CNKSR2: variants seen among roughly 807,000 people sequenced by gnomAD.
CNKSR2 encodes the protein connector enhancer of kinase suppressor of Ras 2, also known as CNK homolog protein 2.
Under a neutral mutation model 84.4 loss-of-function variants are expected in CNKSR2, and 14 were observed. The observed-to-expected ratio is 0.17, with a 90% confidence interval of 0.11 to 0.26. The LOEUF (loss-of-function observed/expected upper bound fraction) is 0.26, where lower values mean the gene tolerates loss of function less well. Ranked by LOEUF, CNKSR2 falls within the 10% of genes least tolerant of loss-of-function variation. CNKSR2 has a pLI of 1.00. For missense variants in CNKSR2, 485 were observed against 771.2 expected (o/e 0.63, Z 4.40); for synonymous variants, 275 against 277.9 (o/e 0.99, Z 0.10).
At chrX:21,429,962 T>C (rs966379580) in intron 2 of CNKSR2, among the ~76,000 whole-genome samples, 2 of 112,065 alleles carry the variant, frequency 1.8e-5, no homozygotes, top group African/African-American at 6.5e-5. Flanking sequence ...ATTAATCTCT[T>C]TTGTTAAAAT....
intron 20 of CNKSR2, among the ~76,000 whole-genome samples, chrX:21,611,372 G>A (rs758594853): frequency 8.9e-6 from 1 of 112,187 alleles, no homozygotes; most frequent in South Asian, 3.7e-4. Context: ...CTGAAATAGA[G>A]AATTCTGTTC....
chrX:21,601,422 G>A, intron 18 of CNKSR2, 73 bp downstream of exon 18: 1 of 629,063 alleles, frequency 1.6e-6, no homozygotes, highest in Non-Finnish European at 2.4e-6. Flanking sequence ...GAAATTCATT[G>A]CTATCACTTG....
intron 4 of CNKSR2, among the ~76,000 whole-genome samples, chrX:21,464,753 T>C (rs1244584701): frequency 2.7e-5 from 3 of 112,128 alleles, no homozygotes; most frequent in African/African-American, 9.7e-5. Context: ...ATAGGCTGCC[T>C]TGACTTCAAC....
chrX:21,624,620 G>A (rs747493078), intron 20 of CNKSR2, among the ~76,000 whole-genome samples: 3 of 110,345 alleles, frequency 2.7e-5, no homozygotes, highest in African/African-American at 9.9e-5. Context: ...AGCAATTTCC[G>A]GCTAATTTCT....
chrX:21,610,539 C>T (rs1569273420), intron 20 of CNKSR2, among the ~76,000 whole-genome samples: 1 of 112,359 alleles, frequency 8.9e-6, no homozygotes, highest in Non-Finnish European at 1.9e-5. Flanking sequence ...CTGTTCACAT[C>T]TCTTTATTCA....
intron 11 of CNKSR2, among the ~76,000 whole-genome samples, chrX:21,542,395 T>A (rs1253418756): frequency 1.8e-5 from 2 of 112,358 alleles, no homozygotes; most frequent in East Asian, 5.6e-4. Context: ...TGAGATTTAA[T>A]GGTAAGACAT....
chrX:21,576,795 A>C (rs1452977615), intron 13 of CNKSR2, among the ~76,000 whole-genome samples: 1 of 111,819 alleles, frequency 8.9e-6, no homozygotes, highest in African/African-American at 3.2e-5. Flanking sequence ...ACTCACCCAA[A>C]ATGAAATATA....
intron 3 of CNKSR2, among the ~76,000 whole-genome samples, chrX:21,435,648 C>T (rs1312255033): frequency 9.0e-6 from 1 of 111,704 alleles, no homozygotes; most frequent in Non-Finnish European, 1.9e-5. Flanking sequence ...TGTTTTTAAC[C>T]TACATCCTAC....
chrX:21,479,397 A>G (rs1023663621), intron 5 of CNKSR2, among the ~76,000 whole-genome samples: 2 of 111,157 alleles, frequency 1.8e-5, no homozygotes, highest in African/African-American at 6.5e-5. Flanking sequence ...GTGAATTTTG[A>G]TATAATATTT....
intron 20 of CNKSR2, among the ~76,000 whole-genome samples, chrX:21,648,165 A>T (rs1185980023): frequency 5.4e-5 from 6 of 111,362 alleles, no homozygotes; most frequent in African/African-American, 2.0e-4. Flanking sequence ...ACATATTCCC[A>T]TGTTTCATTT....
At chrX:21,572,741 G>A (rs187795174) in intron 13 of CNKSR2, among the ~76,000 whole-genome samples, 90 of 111,278 alleles carry the variant, frequency 8.1e-4, no homozygotes, top group Non-Finnish European at 1.5e-3. Flanking sequence ...ACCTCCCACC[G>A]GGTCCCTCCC....
At chrX:21,415,149 G>A (rs747265882) in intron 1 of CNKSR2, among the ~76,000 whole-genome samples, 23 of 111,160 alleles carry the variant, frequency 2.1e-4, no homozygotes, top group Non-Finnish European at 3.8e-4. Flanking sequence ...GAGTAATATG[G>A]ACATTTTAAA....
At chrX:21,575,919 A>G (rs1169551805) in intron 13 of CNKSR2, among the ~76,000 whole-genome samples, 2 of 112,244 alleles carry the variant, frequency 1.8e-5, no homozygotes, top group East Asian at 5.6e-4. Flanking sequence ...TATGCACCAA[A>G]TAACAGAGAT....
intron 18 of CNKSR2, among the ~76,000 whole-genome samples, chrX:21,604,093 A>G (rs2092501205): frequency 8.9e-6 from 1 of 112,153 alleles, no homozygotes; most frequent in South Asian, 3.7e-4. Flanking sequence ...CTAATTTTCC[A>G]CACAAACCCA....
rs144282592 is a variant in CNKSR2 at position 21,550,618 on chromosome X, G to A, written c.1304-10853G>A. ...TTCTTTTATAAAGACACATGCACAC[G>A]TATGTTTATTGCAGCACTATGCCCA... On this transcript the variant is annotated intron_variant, in intron 11 of 21. Coordinates refer to ENST00000379510, the MANE Select transcript of CNKSR2 (RefSeq NM_014927.5). Among the ~76,000 whole-genome samples, 1,046 of 112,271 alleles carry A rather than the reference G, an allele frequency of 9.3e-3. 4 individuals carry two copies. Among genetic ancestry groups the A allele is most frequent in the Non-Finnish European group, 0.015 (811 of 53,225 alleles).
chrX:21,503,168 A>G, intron 8 of CNKSR2: 1 of 288,248 alleles, frequency 3.5e-6, no homozygotes, highest in Non-Finnish European at 6.1e-6. Flanking sequence ...AAGTCTACAA[A>G]TAAACTAATA....
chrX:21,638,668 CT>C (rs1301790836), intron 20 of CNKSR2, among the ~76,000 whole-genome samples: 1 of 111,893 alleles, frequency 8.9e-6, no homozygotes, highest in Non-Finnish European at 1.9e-5. Context: ...AGAAGCATTA[CT>C]GATTTTCTTT....
intron 20 of CNKSR2, among the ~76,000 whole-genome samples, chrX:21,619,529 G>A (rs1024262113): frequency 1.8e-5 from 2 of 111,007 alleles, no homozygotes; most frequent in Admixed American, 9.6e-5. Context: ...TAAATCATCC[G>A]TAGAATGTAT....
intron 20 of CNKSR2, among the ~76,000 whole-genome samples, chrX:21,617,771 T>A (rs1350408911): frequency 9.0e-6 from 1 of 110,773 alleles, no homozygotes; most frequent in Non-Finnish European, 1.9e-5. Context: ...CACCTTAGAA[T>A]CCAGCCCAAT....
Sources: gnomAD v4.1 joint callset for allele counts (sites outside exome capture counted in the v4.1 genomes callset) on GRCh38, gnomAD v4.1.1 for gene constraint, MANE v1.5 for transcripts, NCBI Gene and HGNC (gene_info 2026-07-23, HGNC 2026-07-21) for gene names.